QTMAN: variants seen among roughly 807,000 people sequenced by gnomAD.
QTMAN encodes the protein tRNA-queuosine alpha-mannosyltransferase.
chr2:143,995,034 C>T, the QTMAN span, among the ~76,000 whole-genome samples: 173 of 152,034 alleles, frequency 1.1e-3, no homozygotes, highest in Non-Finnish European at 1.8e-3. Flanking sequence ...TCATGGCAGC[C>T]ATCTTGTTAA....
At chr2:144,289,973 A>G in the QTMAN span, among the ~76,000 whole-genome samples, 1 of 152,226 alleles carries the variant, frequency 6.6e-6, no homozygotes, top group Admixed American at 6.5e-5. Context: ...GTGTAAACAG[A>G]CTGTAACCTA....
the QTMAN span, among the ~76,000 whole-genome samples, chr2:144,162,130 T>C: frequency 1.3e-5 from 2 of 152,214 alleles, no homozygotes; most frequent in Non-Finnish European, 2.9e-5. Flanking sequence ...ACTACATGCA[T>C]TAAAATTTTT....
chr2:144,196,389 G>T, the QTMAN span, among the ~76,000 whole-genome samples: 3 of 151,786 alleles, frequency 2.0e-5, no homozygotes, highest in East Asian at 5.8e-4. Flanking sequence ...AAAAATCTTG[G>T]AACCACCAAA....
chr2:144,311,363 A>T, the QTMAN span, among the ~76,000 whole-genome samples: 1 of 152,202 alleles, frequency 6.6e-6, no homozygotes, highest in African/African-American at 2.4e-5. Flanking sequence ...TTAGACTTAG[A>T]AGTTTGGTTT....
the QTMAN span, among the ~76,000 whole-genome samples, chr2:144,095,815 A>G: frequency 6.6e-6 from 1 of 152,140 alleles, no homozygotes; most frequent in African/African-American, 2.4e-5. Context: ...TAGGCTACCT[A>G]TAATGCTTTA....
the QTMAN span, among the ~76,000 whole-genome samples, chr2:144,061,915 C>T: frequency 3.9e-5 from 6 of 152,144 alleles, no homozygotes; most frequent in South Asian, 1.2e-3. Context: ...AGATTGGCTG[C>T]GGGATTGCCG....
chr2:144,188,273 C>T, the QTMAN span, among the ~76,000 whole-genome samples: 1 of 151,948 alleles, frequency 6.6e-6, no homozygotes, highest in African/African-American at 2.4e-5. Flanking sequence ...ACAAGTAGCA[C>T]CAATTTTTTT....
the QTMAN span, among the ~76,000 whole-genome samples, chr2:144,211,831 T>C: frequency 2.6e-5 from 4 of 152,162 alleles, no homozygotes. Context: ...AGTTGCCCAT[T>C]TCAGCAATAG....
At chr2:144,027,114 G>C in the QTMAN span, among the ~76,000 whole-genome samples, 1 of 152,160 alleles carries the variant, frequency 6.6e-6, no homozygotes, top group Non-Finnish European at 1.5e-5. Context: ...CTATTGGATA[G>C]GCAAGATGGT....
chr2:144,284,025 G>C, the QTMAN span, among the ~76,000 whole-genome samples: 2 of 151,794 alleles, frequency 1.3e-5, no homozygotes, highest in Admixed American at 6.6e-5. Context: ...CTAAATATTA[G>C]AAAGAAAATT....
chr2:143,956,917 A>G, the QTMAN span, among the ~76,000 whole-genome samples: 132 of 152,260 alleles, frequency 8.7e-4, no homozygotes, highest in Non-Finnish European at 1.6e-4. Flanking sequence ...ATTCATTCAC[A>G]TCTCCACAAC....
chr2:144,193,028 C>G, the QTMAN span, among the ~76,000 whole-genome samples: 4 of 152,144 alleles, frequency 2.6e-5, no homozygotes, highest in Admixed American at 2.6e-4. Flanking sequence ...TGTGAAATAA[C>G]TACTTTGTAT....
chr2:144,044,353 A>C, the QTMAN span, among the ~76,000 whole-genome samples: 1 of 152,208 alleles, frequency 6.6e-6, no homozygotes, highest in Admixed American at 6.5e-5. Flanking sequence ...ATTCACATAT[A>C]CTTTTTTTTT....
chr2:144,016,973 G>C, the QTMAN span, among the ~76,000 whole-genome samples: 5 of 151,736 alleles, frequency 3.3e-5, no homozygotes, highest in Admixed American at 3.3e-4. Flanking sequence ...ATAAAAAGGA[G>C]AAAATGTATG....
the QTMAN span, among the ~76,000 whole-genome samples, chr2:144,239,315 A>G: frequency 1.3e-5 from 2 of 152,222 alleles, no homozygotes; most frequent in Non-Finnish European, 2.9e-5. Flanking sequence ...CAAGTGTATA[A>G]CCTCTTAAAA....
the QTMAN span, among the ~76,000 whole-genome samples, chr2:144,012,682 G>C: frequency 6.6e-6 from 1 of 152,102 alleles, no homozygotes; most frequent in Non-Finnish European, 1.5e-5. Context: ...TCAACCTACA[G>C]AATCTCATAA....
At chr2:144,048,879 C>T in the QTMAN span, among the ~76,000 whole-genome samples, 1 of 152,086 alleles carries the variant, frequency 6.6e-6, no homozygotes, top group African/African-American at 2.4e-5. Flanking sequence ...CACATAGGAA[C>T]ATCTATGGTA....
At chr2:144,077,419 C>T in the QTMAN span, among the ~76,000 whole-genome samples, 1 of 152,216 alleles carries the variant, frequency 6.6e-6, no homozygotes, top group Non-Finnish European at 1.5e-5. Flanking sequence ...CACCATCCAT[C>T]CTTTATAACA....
At chr2:144,014,239 A>G in the QTMAN span, among the ~76,000 whole-genome samples, 1 of 152,218 alleles carries the variant, frequency 6.6e-6, no homozygotes, top group African/African-American at 2.4e-5. Context: ...GAACTCTGGC[A>G]GAACATTATT....
Sources: allele counts gnomAD v4.1 joint callset (sites outside exome capture counted in the v4.1 genomes callset), GRCh38; gene constraint gnomAD v4.1.1; transcripts MANE v1.5; gene names NCBI Gene and HGNC (gene_info 2026-07-23, HGNC 2026-07-21).